BBS9: variants seen among roughly 807,000 people sequenced by gnomAD.
BBS9 encodes the protein protein PTHB1.
Under a neutral mutation model 117.7 loss-of-function variants are expected in BBS9, and 89 were observed. The ratio of observed to expected loss-of-function variants is 0.76; its 90% confidence interval spans 0.64 to 0.90. BBS9 has a LOEUF of 0.90. BBS9 is among the 40% of genes least tolerant of loss of function. The pLI, the probability that BBS9 is intolerant of heterozygous loss-of-function variation, is 0.00. For synonymous variants in BBS9, 379 were observed against 370.9 expected, an observed-to-expected ratio of 1.02 and a Z score of -0.25; for missense variants, 982 against 1,042.2, an observed-to-expected ratio of 0.94 and a Z score of 0.80.
At chr7:33,151,751 A>G (rs1399763118) in intron 2 of BBS9, among the ~76,000 whole-genome samples, 1 of 149,424 alleles carries the variant, frequency 6.7e-6, no homozygotes, top group Middle Eastern at 3.5e-3. Flanking sequence ...GGGTTTCAAC[A>G]TGTTGGCCAG....
At chr7:33,462,081 A>C (rs915679191) in intron 19 of BBS9, among the ~76,000 whole-genome samples, 1 of 152,042 alleles carries the variant, frequency 6.6e-6, no homozygotes, top group Non-Finnish European at 1.5e-5. Flanking sequence ...GGGTAGGAAC[A>C]CTAGGTTAAT....
At chr7:33,365,080 T>TG (rs772980301) in intron 16 of BBS9, among the ~76,000 whole-genome samples, 193 of 149,772 alleles carry the variant, frequency 1.3e-3, no homozygotes, top group Non-Finnish European at 2.1e-3. Context: ...GTTTTGTTTC[T>TG]CTTTTTTTTT....
At position 33,406,262 on chromosome 7, in the gene BBS9, G is replaced by C. The variant is rs113769290; in HGVS notation, c.2115+18118G>C. ...TTGCTGGGGAGAGCTTTACTTCCAA[G>C]TATGTGGTCAATTTTGGAACAGGTG... On this transcript the variant is annotated intron_variant, in intron 19 of 22. Transcript: ENST00000242067. Among the ~76,000 whole-genome samples the C allele has an allele frequency of 4.6e-5, 7 of 152,212 alleles. 1 individual carries two copies. The highest frequency in any genetic ancestry group is 4.1e-4 in the South Asian group (2 of 4,820).
chr7:33,452,829 C>A (rs1043303046), intron 19 of BBS9, among the ~76,000 whole-genome samples: 1 of 152,074 alleles, frequency 6.6e-6, no homozygotes, highest in African/African-American at 2.4e-5. Context: ...GTGATAATAA[C>A]GCAAAAGTTA....
chr7:33,457,478 G>A (rs1282996129), intron 19 of BBS9, among the ~76,000 whole-genome samples: 1 of 152,084 alleles, frequency 6.6e-6, no homozygotes, highest in African/African-American at 2.4e-5. Flanking sequence ...TCATGTTATT[G>A]TTTTAATAAG....
intron 21 of BBS9, among the ~76,000 whole-genome samples, chr7:33,576,350 A>G (rs140522128): frequency 0.073 from 11,131 of 152,120 alleles, 730 homozygotes; most frequent in African/African-American, 0.18. Flanking sequence ...AACTTACAAG[A>G]GATGTGAAGG....
At chr7:33,287,967 G>A (rs1803215819) in intron 9 of BBS9, among the ~76,000 whole-genome samples, 1 of 152,136 alleles carries the variant, frequency 6.6e-6, no homozygotes. Context: ...AGCGGGGCTT[G>A]CCTAAGACAT....
rs994131324 is a variant in BBS9, at chr7:33,337,390, G to A, written c.1198+768G>A. Among the ~76,000 whole-genome samples the A allele has an allele frequency of 1.2e-4, 18 of 151,756 alleles. 1 individual carries two copies. The highest frequency in any genetic ancestry group is 4.4e-5 in the Non-Finnish European group (3 of 67,906). On this transcript the variant is annotated intron_variant, in intron 10 of 22. Transcript: ENST00000242067. ...ATAAAAGAAATGTTAAAACAAGTAGGAATAATAAAAGAAGCAGAGCATCAA... is the reference window on the plus strand; with the variant it reads ...ATAAAAGAAATGTTAAAACAAGTAGAAATAATAAAAGAAGCAGAGCATCAA...
At chr7:33,439,956 G>C (rs1397850412) in intron 19 of BBS9, among the ~76,000 whole-genome samples, 1 of 152,214 alleles carries the variant, frequency 6.6e-6, no homozygotes, top group Non-Finnish European at 1.5e-5. Flanking sequence ...CAACCTTAGT[G>C]TTTGGGTTTT....
intron 19 of BBS9, among the ~76,000 whole-genome samples, chr7:33,478,878 T>G (rs1201909640): frequency 1.7e-5 from 2 of 120,490 alleles, no homozygotes; most frequent in East Asian, 7.7e-4. Context: ...TTAGTGGGTT[T>G]TTTTTTTTTT....
intron 3 of BBS9, among the ~76,000 whole-genome samples, chr7:33,153,448 A>G (rs1020622538): frequency 3.3e-5 from 5 of 152,204 alleles, no homozygotes; most frequent in African/African-American, 1.2e-4. Flanking sequence ...TCTTATTTTC[A>G]TACACAAACT....
At chr7:33,391,883 T>C (rs1020469313) in intron 19 of BBS9, among the ~76,000 whole-genome samples, 4 of 152,202 alleles carry the variant, frequency 2.6e-5, no homozygotes, top group African/African-American at 9.6e-5. Context: ...ACACATGAGG[T>C]TTAAAAAAAC....
chr7:33,211,914 A>AG (rs59202509), intron 5 of BBS9, among the ~76,000 whole-genome samples: 152,332 of 152,332 alleles, frequency 1, 76,166 homozygotes, highest in Non-Finnish European at 1. Flanking sequence ...CTGGCCTGTA[A>AG]GTTTCCACTG....
At chr7:33,214,920 G>A (rs34506512) in intron 5 of BBS9, among the ~76,000 whole-genome samples, 7 of 152,256 alleles carry the variant, frequency 4.6e-5, no homozygotes, top group South Asian at 2.1e-4. Flanking sequence ...TGGGCCTGGC[G>A]CAGTGGCTCA....
chr7:33,340,043 A>G lies in BBS9; in HGVS notation c.1199-854A>G, dbSNP rs1398309599. On this transcript the variant is annotated intron_variant, in intron 10 of 22. Coordinates refer to ENST00000242067, the MANE Select transcript of BBS9 (RefSeq NM_198428.3). ...GTTTAAGATCTTTGTTGATACTATG[A>G]ATAAATATCTCATTATGCAACATAA... Among the ~76,000 whole-genome samples the G allele has an allele frequency of 2.0e-5, 3 of 151,784 alleles. No individual in the cohort carries two copies. The East Asian group carries it at 5.8e-4, about 29-fold the overall frequency.
At chr7:33,170,120 G>C (rs1019858030) in intron 4 of BBS9, among the ~76,000 whole-genome samples, 31 of 151,658 alleles carry the variant, frequency 2.0e-4, no homozygotes, top group Non-Finnish European at 1.6e-4. Flanking sequence ...GCATCATTCT[G>C]ATACCAAAGC....
At chr7:33,362,977 G>T (rs1349555622) in intron 16 of BBS9, among the ~76,000 whole-genome samples, 1 of 152,024 alleles carries the variant, frequency 6.6e-6, no homozygotes. Flanking sequence ...CTCTGTGAGG[G>T]TTGGTAGTTT....
intron 7 of BBS9, among the ~76,000 whole-genome samples, chr7:33,272,660 A>G (rs1428404293): frequency 6.6e-6 from 1 of 152,188 alleles, no homozygotes; most frequent in Non-Finnish European, 1.5e-5. Context: ...ATAAAAACAC[A>G]TGTACAATCA....
intron 20 of BBS9, among the ~76,000 whole-genome samples, chr7:33,523,274 A>G (rs1848934475): frequency 6.9e-6 from 1 of 145,508 alleles, no homozygotes; most frequent in Non-Finnish European, 1.5e-5. Flanking sequence ...GTTTTTTCCA[A>G]TTCTGTGAAG....
Sources: allele counts gnomAD v4.1 joint callset (sites outside exome capture counted in the v4.1 genomes callset), GRCh38; gene constraint gnomAD v4.1.1; transcripts MANE v1.5; gene names NCBI Gene and HGNC (gene_info 2026-07-23, HGNC 2026-07-21).